Variants in TASP1 observed in about 807,000 individuals in gnomAD.
TASP1 encodes the protein threonine aspartase 1.
Under a neutral mutation model 56.6 loss-of-function variants are expected in TASP1, and 16 were observed. That is an observed-to-expected ratio of 0.28 (90% confidence interval 0.19 to 0.43). The LOEUF is 0.43. Ranked by LOEUF, TASP1 falls within the 20% of genes least tolerant of loss-of-function variation. TASP1 has a pLI of 1.00. For missense variants in TASP1, 393 were observed against 511.6 expected, an observed-to-expected ratio of 0.77 and a Z score of 2.24; for synonymous variants, 179 against 184.2, an observed-to-expected ratio of 0.97 and a Z score of 0.23.
chr20:13,252,055 T>C, the TASP1 span, among the ~76,000 whole-genome samples: 23 of 152,162 alleles, frequency 1.5e-4, no homozygotes, highest in Admixed American at 9.8e-4. Flanking sequence ...AGTTGGGGGC[T>C]GTGAGATTTA....
the TASP1 span, among the ~76,000 whole-genome samples, chr20:13,343,089 G>T: frequency 6.6e-6 from 1 of 152,180 alleles, no homozygotes; most frequent in Non-Finnish European, 1.5e-5. Flanking sequence ...TGGCAAGTAG[G>T]GGAAAATGTC....
At chr20:13,406,859 G>C (rs545055178) in intron 13 of TASP1, among the ~76,000 whole-genome samples, 264 of 151,970 alleles carry the variant, frequency 1.7e-3, no homozygotes, top group African/African-American at 6.1e-3. Flanking sequence ...GTAGAGACAG[G>C]GTTTCACTAT....
chr20:13,579,027 C>T (rs530680585), intron 6 of TASP1, among the ~76,000 whole-genome samples: 1 of 152,272 alleles, frequency 6.6e-6, no homozygotes, highest in African/African-American at 2.4e-5. Context: ...CTTCAAAATA[C>T]TTTTTACATG....
At chr20:13,274,696 C>T in the TASP1 span, among the ~76,000 whole-genome samples, 34 of 151,532 alleles carry the variant, frequency 2.2e-4, no homozygotes, top group African/African-American at 6.5e-4. Context: ...GCCCCCGGGC[C>T]TCTTGACTTT....
At chr20:13,300,651 G>A in the TASP1 span, 2 of 152,122 alleles carry the variant, frequency 1.3e-5, no homozygotes, top group Admixed American at 1.3e-4. Flanking sequence ...AATAAAAGGT[G>A]TTACCTGCAT....
At chr20:13,125,359 G>A in the TASP1 span, among the ~76,000 whole-genome samples, 1 of 152,190 alleles carries the variant, frequency 6.6e-6, no homozygotes, top group Non-Finnish European at 1.5e-5. Context: ...GTTCTCTGCT[G>A]CCAAAGGCAT....
At chr20:13,494,839 C>G (rs6042173) in intron 10 of TASP1, among the ~76,000 whole-genome samples, 2 of 151,868 alleles carry the variant, frequency 1.3e-5, no homozygotes, top group Non-Finnish European at 2.9e-5. Flanking sequence ...TGTAGATAGT[C>G]TCCAATTTTA....
At chr20:13,469,222 T>C (rs1043879448) in intron 11 of TASP1, among the ~76,000 whole-genome samples, 6 of 152,208 alleles carry the variant, frequency 3.9e-5, no homozygotes, top group African/African-American at 1.4e-4. Context: ...TTAGTAGCTA[T>C]TTTAAATGGC....
At chr20:13,533,432 G>A (rs970705472) in intron 9 of TASP1, among the ~76,000 whole-genome samples, 1 of 152,148 alleles carries the variant, frequency 6.6e-6, no homozygotes, top group Non-Finnish European at 1.5e-5. Flanking sequence ...GGGGCAAAGT[G>A]AAGAAGATGT....
Position 13,528,441 on chromosome 20 carries a change from C to T in TASP1, c.866G>A (p.Ser289Asn), listed in dbSNP as rs1325382964. Residue 289 changes from serine to asparagine, a missense_variant, in exon 10 of 14, where the codon AGT becomes AAT. This residue lies in a region of TASP1 where 293 missense variants were observed against 354.2 expected (regional missense o/e 0.83). Transcript: ENST00000337743. ...GAHNPYSTAV[S>N]TSGCGEHLVR... ...ATGAAAGCAGCAAATACCTGAGGTA[C>T]TCACAGCTGTGGAGTAGGGGTTATG... 8.1e-6 allele frequency: 13 copies of T among 1,608,810 alleles called. No individual in the cohort carries two copies. The highest frequency in any genetic ancestry group is 1.1e-5 in the Non-Finnish European group (13 of 1,176,748).
the TASP1 span, among the ~76,000 whole-genome samples, chr20:13,252,194 G>A: frequency 1.3e-5 from 2 of 152,210 alleles, no homozygotes; most frequent in Non-Finnish European, 2.9e-5. Flanking sequence ...GAAGAGCAAC[G>A]AGCAAGTGCA....
At chr20:13,129,228 C>G in the TASP1 span, among the ~76,000 whole-genome samples, 1 of 152,156 alleles carries the variant, frequency 6.6e-6, no homozygotes, top group Admixed American at 6.5e-5. Context: ...TCGGGAACAC[C>G]TGGCCTCAAG....
intron 4 of TASP1, among the ~76,000 whole-genome samples, chr20:13,608,592 C>A (rs2048241641): frequency 6.6e-6 from 1 of 152,218 alleles, no homozygotes; most frequent in Admixed American, 6.5e-5. Context: ...TCCAATAAAA[C>A]TTCATTTATG....
the TASP1 span, among the ~76,000 whole-genome samples, chr20:13,214,562 C>CACACACACAGAG: frequency 2.7e-5 from 3 of 111,302 alleles, no homozygotes; most frequent in African/African-American, 9.8e-5. Context: ...CACACACACA[C>CACACACACAGAG]AGAGAGAGAG....
intron 1 of TASP1, among the ~76,000 whole-genome samples, chr20:13,635,043 A>T (rs193175736): frequency 2.0e-5 from 3 of 152,248 alleles, no homozygotes; most frequent in Non-Finnish European, 2.9e-5. Context: ...AAATAAAAAT[A>T]AAAAAAAGTT....
chr20:13,351,716 A>C, the TASP1 span, among the ~76,000 whole-genome samples: 26,079 of 152,086 alleles, frequency 0.17, 2,470 homozygotes, highest in African/African-American at 0.24. Flanking sequence ...GGTGGTGGTT[A>C]CTTATATCTA....
At chr20:13,330,829 G>A in the TASP1 span, among the ~76,000 whole-genome samples, 1 of 152,046 alleles carries the variant, frequency 6.6e-6, no homozygotes, top group African/African-American at 2.4e-5. Flanking sequence ...TTTTTTATCT[G>A]TCTAATGTTT....
the TASP1 span, among the ~76,000 whole-genome samples, chr20:13,239,955 G>A: frequency 1.3e-5 from 2 of 152,198 alleles, no homozygotes; most frequent in Admixed American, 1.3e-4. Context: ...TAGAGTAAGT[G>A]TACATCTAAA....
intron 6 of TASP1, 128 bp downstream of exon 6, chr20:13,580,769 C>T: frequency 1.2e-6 from 1 of 861,988 alleles, no homozygotes; most frequent in African/African-American, 1.7e-5. Flanking sequence ...CAAAATGTTC[C>T]AAGATCACGG....
Sources: gnomAD v4.1 joint callset for allele counts (sites outside exome capture counted in the v4.1 genomes callset) on GRCh38, gnomAD v4.1.1 for gene constraint, gnomAD v4.1.1 regional missense constraint, MANE v1.5 for transcripts, NCBI Gene and HGNC (gene_info 2026-07-23, HGNC 2026-07-21) for gene names.